MCC: variants seen among roughly 807,000 people sequenced by gnomAD.
The protein encoded by MCC is MCC regulator of Wnt signaling pathway, also known as colorectal mutant cancer protein.
Under a neutral mutation model 116.2 loss-of-function variants are expected in MCC, and 90 were observed. The ratio of observed to expected loss-of-function variants is 0.77; its 90% CI spans 0.65 to 0.92. MCC has a LOEUF of 0.92. Among genes scored for constraint, MCC ranks in the 40% least tolerant of loss-of-function variants. The probability of loss-of-function intolerance (pLI) is 0.00; values close to 1 mark genes in which losing one functional copy is unlikely to be tolerated. For missense variants in MCC, 1,516 were observed against 1,312.2 expected, an observed-to-expected ratio of 1.16 and a Z score of -2.40; for synonymous variants, 578 against 510.5, an observed-to-expected ratio of 1.13 and a Z score of -1.78.
chr5:113,358,012 A>G (rs1235241890), intron 2 of MCC, among the ~76,000 whole-genome samples: 1 of 152,174 alleles, frequency 6.6e-6, no homozygotes, highest in Non-Finnish European at 1.5e-5. Context: ...CCTGCTCTAA[A>G]ACTTGCCTCC....
intron 3 of MCC, among the ~76,000 whole-genome samples, chr5:113,225,470 G>A (rs1019819822): frequency 1.3e-5 from 2 of 151,998 alleles, no homozygotes; most frequent in Non-Finnish European, 2.9e-5. Flanking sequence ...ACTTTCTCTG[G>A]GCCTCCCGAG....
chr5:113,343,821 T>A (rs946418982), intron 2 of MCC, among the ~76,000 whole-genome samples: 2 of 152,212 alleles, frequency 1.3e-5, no homozygotes, highest in African/African-American at 4.8e-5. Context: ...TATGCAAACA[T>A]GAAGCCTCAT....
chr5:113,191,465 A>G (rs992246713), intron 3 of MCC, among the ~76,000 whole-genome samples: 1 of 152,194 alleles, frequency 6.6e-6, no homozygotes, highest in Non-Finnish European at 1.5e-5. Context: ...CCGAATCCAG[A>G]GGGCAGGCAC....
At chr5:113,079,601 C>A (rs1416639637) in intron 11 of MCC, among the ~76,000 whole-genome samples, 1 of 152,250 alleles carries the variant, frequency 6.6e-6, no homozygotes, top group African/African-American at 2.4e-5. Flanking sequence ...AACTGGCTAG[C>A]CATATGTAGA....
chr5:113,208,803 G>C (rs758375167), intron 3 of MCC, among the ~76,000 whole-genome samples: 12 of 151,878 alleles, frequency 7.9e-5, no homozygotes, highest in Non-Finnish European at 1.2e-4. Context: ...GTTCCTCACT[G>C]TATTACTCAA....
At chr5:113,278,923 G>A (rs528254660) in intron 3 of MCC, among the ~76,000 whole-genome samples, 1 of 152,252 alleles carries the variant, frequency 6.6e-6, no homozygotes, top group African/African-American at 2.4e-5. Flanking sequence ...CAAATCAAGT[G>A]TCTCTTTTTG....
chr5:113,381,999 G>A (rs1486569324), intron 2 of MCC, among the ~76,000 whole-genome samples: 8 of 152,198 alleles, frequency 5.3e-5, no homozygotes, highest in Non-Finnish European at 1.2e-4. Context: ...AGATTTAGAT[G>A]TGGGCAGAAA....
intron 11 of MCC, among the ~76,000 whole-genome samples, chr5:113,079,235 G>T (rs1754673560): frequency 6.6e-6 from 1 of 152,150 alleles, no homozygotes; most frequent in African/African-American, 2.4e-5. Flanking sequence ...TACTGCCCAA[G>T]GCAATTTATA....
intron 3 of MCC, among the ~76,000 whole-genome samples, chr5:113,155,757 A>G (rs1460961577): frequency 6.6e-6 from 1 of 152,194 alleles, no homozygotes; most frequent in East Asian, 1.9e-4. Flanking sequence ...AAGAAAATAC[A>G]TGCTGTTTAG....
At chr5:113,318,771 T>A (rs1260278601) in intron 3 of MCC, among the ~76,000 whole-genome samples, 2 of 152,108 alleles carry the variant, frequency 1.3e-5, no homozygotes, top group East Asian at 3.8e-4. Context: ...TACAACTAAG[T>A]GCCATGACAC....
At chr5:113,392,977 G>C (rs754375344) in intron 1 of MCC, among the ~76,000 whole-genome samples, 2 of 152,140 alleles carry the variant, frequency 1.3e-5, no homozygotes, top group East Asian at 1.9e-4. Context: ...ACAGTAGTGA[G>C]TAAAGACATC....
intron 3 of MCC, among the ~76,000 whole-genome samples, chr5:113,292,913 A>G (rs1050301124): frequency 2.0e-5 from 3 of 152,162 alleles, no homozygotes; most frequent in African/African-American, 7.2e-5. Flanking sequence ...TTCAGATTTG[A>G]GACCGTTAAT....
chr5:113,093,857 G>C (rs555913997), intron 8 of MCC, among the ~76,000 whole-genome samples: 14 of 152,272 alleles, frequency 9.2e-5, no homozygotes, highest in African/African-American at 3.1e-4. Context: ...AGCCTGTTCT[G>C]CTGATGATAC....
chr5:113,487,788 C>G (rs1211917616), intron 1 of MCC, among the ~76,000 whole-genome samples: 1 of 152,252 alleles, frequency 6.6e-6, no homozygotes, highest in Non-Finnish European at 1.5e-5. Flanking sequence ...CTGTCCGAGG[C>G]TGTCGCTTAG....
intron 3 of MCC, among the ~76,000 whole-genome samples, chr5:113,291,271 A>G (rs1766484963): frequency 6.6e-6 from 1 of 152,128 alleles, no homozygotes; most frequent in Non-Finnish European, 1.5e-5. Context: ...TCTCCCTAGT[A>G]TCCAAGCATT....
intron 3 of MCC, among the ~76,000 whole-genome samples, chr5:113,165,203 G>C (rs1760704574): frequency 6.6e-6 from 1 of 152,224 alleles, no homozygotes; most frequent in Non-Finnish European, 1.5e-5. Context: ...TTTGAGTCTA[G>C]CTTGACAGCG....
chr5:113,151,319 G>A lies in MCC; in HGVS notation c.731C>T (p.Ala244Val), dbSNP rs867520561. ...RERDLLEKKLAKAQCEQSHLM... is the reference protein window; with the variant it reads ...RERDLLEKKLVKAQCEQSHLM... ...TTCCAGATCCCTTACCTGTGCCTTG[G>A]CCAATTTCTTTTCCAGAAGGTCCCG... The change falls in exon 4 of 19, where the codon GCC (alanine) becomes GTC (valine). Residue 244 changes from alanine to valine, a missense_variant. Transcript: ENST00000408903. 2 of 1,610,560 alleles carry A rather than the reference G, an allele frequency of 1.2e-6. No homozygotes were observed. The highest frequency in any genetic ancestry group is 1.7e-6 in the Non-Finnish European group (2 of 1,177,362).
chr5:113,456,194 TATGTTACATAG>T (rs1416325856), intron 1 of MCC, among the ~76,000 whole-genome samples: 1 of 152,170 alleles, frequency 6.6e-6, no homozygotes, highest in Non-Finnish European at 1.5e-5. Flanking sequence ...TATTTATGGC[TATGTTACATAG>T]GCTGAATTTT....
intron 3 of MCC, among the ~76,000 whole-genome samples, chr5:113,328,324 C>T (rs746466582): frequency 4.6e-5 from 7 of 152,178 alleles, no homozygotes; most frequent in Non-Finnish European, 7.3e-5. Flanking sequence ...ACATTAATTC[C>T]TTCTGCCTGC....
Sources: gnomAD v4.1 joint callset for allele counts (sites outside exome capture counted in the v4.1 genomes callset) on GRCh38, gnomAD v4.1.1 for gene constraint, MANE v1.5 for transcripts, NCBI Gene and HGNC (gene_info 2026-07-23, HGNC 2026-07-21) for gene names.